The following RALGPS1 variants were observed in gnomAD, a reference collection of about 807,000 sequenced individuals.
The protein encoded by RALGPS1 is ras-specific guanine nucleotide-releasing factor RalGPS1.
In RALGPS1, 19 loss-of-function variants were observed where a neutral mutation model predicts 78.8. The ratio of observed to expected loss-of-function variants is 0.24; its 90% CI spans 0.17 to 0.35. The LOEUF is 0.35. Ranked by LOEUF, RALGPS1 falls within the 10% of genes least tolerant of loss-of-function variation. The probability of loss-of-function intolerance (pLI) is 1.00; values close to 1 mark genes in which losing one functional copy is unlikely to be tolerated. For synonymous variants in RALGPS1, 228 were observed against 256.3 expected, an observed-to-expected ratio of 0.89 and a Z score of 1.06; for missense variants, 454 against 688.3, an observed-to-expected ratio of 0.66 and a Z score of 3.81.
In RALGPS1 at chr9:127,183,630, A is replaced by G. The variant is rs889006785; in HGVS notation, c.910+8848A>G. 6.6e-5 allele frequency among the ~76,000 whole-genome samples: 10 copies of G among 151,988 alleles called. No homozygotes were observed. Among genetic ancestry groups the G allele is most frequent in the Admixed American group, 1.3e-4 (2 of 15,256 alleles). ...TCCTGACTGCTAGAGACATAGTTCA[A>G]CCTCCGCAGGGGGTCTGTGGAGACT... On this transcript the variant is annotated intron_variant, in intron 11 of 18. Transcript: ENST00000259351. This position sits in a 1 kb window ranked among gnomAD's most constrained non-coding sequence, Gnocchi z 4.0.
At chr9:126,999,029 A>C (rs13283603) in intron 4 of RALGPS1, among the ~76,000 whole-genome samples, 1 of 37,266 alleles carries the variant, frequency 2.7e-5, no homozygotes, top group Non-Finnish European at 4.9e-5. Flanking sequence ...TGGGTGGGGG[A>C]GGGGGGAGGG....
At chr9:127,020,797 C>A (rs949702193) in intron 4 of RALGPS1, among the ~76,000 whole-genome samples, 3 of 152,216 alleles carry the variant, frequency 2.0e-5, no homozygotes, top group African/African-American at 7.2e-5. Context: ...CCAGAGGCAA[C>A]AGGCCTAGGT....
intron 8 of RALGPS1, among the ~76,000 whole-genome samples, chr9:127,141,137 G>T (rs1226131789): frequency 6.6e-6 from 1 of 152,156 alleles, no homozygotes; most frequent in African/African-American, 2.4e-5. Context: ...TGGGCAGCTG[G>T]TGCAGCATCT....
chr9:126,979,944 T>G (rs1455072458), intron 4 of RALGPS1, among the ~76,000 whole-genome samples: 1 of 152,122 alleles, frequency 6.6e-6, no homozygotes, highest in Admixed American at 6.5e-5. Context: ...GTCTGAAACC[T>G]AATCAGCCCT....
At chr9:126,958,599 C>T (rs1286288105) in intron 1 of RALGPS1, among the ~76,000 whole-genome samples, 1 of 152,188 alleles carries the variant, frequency 6.6e-6, no homozygotes, top group Non-Finnish European at 1.5e-5. Context: ...CAGTGCGTCA[C>T]CTCTCTGTTT....
At chr9:127,214,610 C>T (rs1454570471) in intron 17 of RALGPS1, 141 bp from the exon 18 acceptor site, 2 of 1,334,364 alleles carry the variant, frequency 1.5e-6, no homozygotes, top group African/African-American at 1.5e-5. Context: ...GCCCTGGAGG[C>T]TGCTTTCTCT....
At chr9:127,034,651 C>T in intron 5 of RALGPS1, 137 bp downstream of exon 5, 1 of 724,226 alleles carries the variant, frequency 1.4e-6, no homozygotes, top group South Asian at 1.6e-5. Flanking sequence ...AGTCCCCCAC[C>T]TTTATCCAGT....
At chr9:127,093,583 C>T (rs113921651) in intron 8 of RALGPS1, 100 of 935,376 alleles carry the variant, frequency 1.1e-4, no homozygotes, top group Non-Finnish European at 1.5e-4. Flanking sequence ...GCATCCTTCT[C>T]GCCTCAGGTA....
At chr9:126,966,974 G>A (rs1321067077) in intron 3 of RALGPS1, among the ~76,000 whole-genome samples, 2 of 152,040 alleles carry the variant, frequency 1.3e-5, no homozygotes, top group East Asian at 1.9e-4. Context: ...TTGTCCAAGC[G>A]TTGAACTTCT....
At chr9:126,997,693 A>T (rs2042901886) in intron 4 of RALGPS1, among the ~76,000 whole-genome samples, 1 of 152,226 alleles carries the variant, frequency 6.6e-6, no homozygotes, top group South Asian at 2.1e-4. Context: ...TGGAACCAAA[A>T]AAGAGCCCAC....
intron 14 of RALGPS1, among the ~76,000 whole-genome samples, chr9:127,200,324 T>C (rs2061566321): frequency 6.6e-6 from 1 of 152,284 alleles, no homozygotes; most frequent in South Asian, 2.1e-4. Flanking sequence ...AGCACTGTCC[T>C]GGTGCTTTGC....
At chr9:127,128,510 G>A (rs1257277761) in intron 8 of RALGPS1, among the ~76,000 whole-genome samples, 1 of 152,236 alleles carries the variant, frequency 6.6e-6, no homozygotes, top group Non-Finnish European at 1.5e-5. Flanking sequence ...GTTGGCCTGT[G>A]GCTGAGGAGC....
chr9:127,020,143 AT>A (rs1212458123), intron 4 of RALGPS1, among the ~76,000 whole-genome samples: 3 of 152,120 alleles, frequency 2.0e-5, no homozygotes, highest in Non-Finnish European at 4.4e-5. Flanking sequence ...CATAAGAATT[AT>A]GTATTCTTCA....
intron 14 of RALGPS1, among the ~76,000 whole-genome samples, chr9:127,210,031 A>C (rs989815729): frequency 6.6e-6 from 1 of 152,240 alleles, no homozygotes; most frequent in Non-Finnish European, 1.5e-5. Context: ...TAAAGGAGAA[A>C]GAGGGTGCCT....
Position 127,000,534 on chromosome 9 carries a change from C to CTTTTT in RALGPS1, c.216+22816_216+22820dup, listed in dbSNP as rs1163116649. 2.6e-3 allele frequency among the ~76,000 whole-genome samples: 88 copies of CTTTTT among 33,330 alleles called. 7 individuals carry two copies. Among genetic ancestry groups the CTTTTT allele is most frequent in the South Asian group, 7.2e-3 (4 of 558 alleles). The allele number at this position is 33,330 out of a possible 152,430, so 21.9% of individuals were successfully genotyped here. A position where few individuals can be genotyped will look rare whatever the true frequency, so the allele number is the denominator to read the frequency against. On this transcript the variant is annotated intron_variant, in intron 4 of 18. Transcript: ENST00000259351. ...TCCTGCTATTGATTTCTTGTCTTGTCTTTTTTTTTTTTTTTTTTTTTTTTT... is the reference window on the plus strand; with the variant it reads ...TCCTGCTATTGATTTCTTGTCTTGTCTTTTTTTTTTTTTTTTTTTTTTTTTTTTTT...
At chr9:127,074,647 C>T (rs1236284907) in intron 8 of RALGPS1, among the ~76,000 whole-genome samples, 11 of 152,258 alleles carry the variant, frequency 7.2e-5, no homozygotes. Flanking sequence ...GCATTGTTTG[C>T]TTTCTCTGTG....
At chr9:127,027,944 C>T (rs139301377) in intron 4 of RALGPS1, among the ~76,000 whole-genome samples, 17 of 152,216 alleles carry the variant, frequency 1.1e-4, no homozygotes, top group Non-Finnish European at 1.9e-4. Flanking sequence ...CAGCAAGTTA[C>T]AGCATGTAAG....
chr9:127,149,831 C>T (rs1482655112), intron 8 of RALGPS1, among the ~76,000 whole-genome samples: 2 of 152,166 alleles, frequency 1.3e-5, no homozygotes, highest in South Asian at 4.1e-4. Context: ...CCTTGGTTTC[C>T]CCACCTGGAT....
At chr9:127,033,543 TGAG>T (rs2046605932) in intron 4 of RALGPS1, among the ~76,000 whole-genome samples, 1 of 152,238 alleles carries the variant, frequency 6.6e-6, no homozygotes, top group Admixed American at 6.5e-5. Context: ...TTAGTAATAC[TGAG>T]GCCTGGTAGG....
Sources: gnomAD v4.1 joint callset for allele counts (sites outside exome capture counted in the v4.1 genomes callset) on GRCh38, gnomAD v4.1.1 for gene constraint, Gnocchi (gnomAD v3.1) non-coding constraint, MANE v1.5 for transcripts, NCBI Gene and HGNC (gene_info 2026-07-23, HGNC 2026-07-21) for gene names.